Variants in MYO1H observed in about 807,000 individuals in gnomAD.
MYO1H encodes the protein myosin IH, also known as unconventional myosin-Ih.
In MYO1H, 118 loss-of-function variants were observed where a neutral mutation model predicts 149.3. That is an observed-to-expected ratio of 0.79 (90% confidence interval 0.68 to 0.92). MYO1H has a LOEUF of 0.92. Among genes scored for constraint, MYO1H ranks in the 40% least tolerant of loss-of-function variants. MYO1H has a pLI of 0.00. For missense variants in MYO1H, 1,212 were observed against 1,280.7 expected (o/e 0.95, Z 0.82); for synonymous variants, 447 against 465.2 (o/e 0.96, Z 0.50).
At chr12:109,386,217 T>C (rs1429308438) in intron 1 of MYO1H, among the ~76,000 whole-genome samples, 1 of 152,214 alleles carries the variant, frequency 6.6e-6, no homozygotes, top group South Asian at 2.1e-4. Context: ...CTGTCCTCCT[T>C]CTATTGTACA....
At chr12:109,438,773 C>A (rs536221666) in intron 23 of MYO1H, among the ~76,000 whole-genome samples, 153 bp downstream of exon 23, 2 of 152,314 alleles carry the variant, frequency 1.3e-5, no homozygotes, top group African/African-American at 2.4e-5. Context: ...AGGTCCATCC[C>A]TTTGCTCTGA....
chr12:109,327,916 T>C, the MYO1H span, among the ~76,000 whole-genome samples: 18 of 151,826 alleles, frequency 1.2e-4, no homozygotes, highest in Non-Finnish European at 8.8e-5. Flanking sequence ...CAGTGCTGGG[T>C]CCTGTCCCAA....
chr12:109,313,011 C>A, the MYO1H span, among the ~76,000 whole-genome samples: 2 of 151,648 alleles, frequency 1.3e-5, no homozygotes, highest in Non-Finnish European at 2.9e-5. Context: ...GAGGCCGAGG[C>A]GGGTGGATGC....
At chr12:109,314,703 C>T in the MYO1H span, among the ~76,000 whole-genome samples, 13 of 152,332 alleles carry the variant, frequency 8.5e-5, no homozygotes, top group South Asian at 2.1e-3. Flanking sequence ...GGCTTAAAGA[C>T]AGCACCTGAT....
At chr12:109,422,026 G>A (rs1019656956) in intron 16 of MYO1H, among the ~76,000 whole-genome samples, 5 of 151,998 alleles carry the variant, frequency 3.3e-5, no homozygotes, top group Admixed American at 3.3e-4. Flanking sequence ...TTGCTATGAC[G>A]CCTAGGCTGG....
chr12:109,377,948 T>A (rs1262403093), intron 1 of MYO1H, among the ~76,000 whole-genome samples: 5 of 152,200 alleles, frequency 3.3e-5, no homozygotes, highest in Non-Finnish European at 7.3e-5. Flanking sequence ...CCAGACACAA[T>A]GTCATTTCCT....
chr12:109,426,680 T>A (rs1871362861), intron 18 of MYO1H, among the ~76,000 whole-genome samples: 1 of 152,104 alleles, frequency 6.6e-6, no homozygotes, highest in African/African-American at 2.4e-5. Flanking sequence ...CAAGGAACAG[T>A]CTTCGAAAAT....
At chr12:109,328,872 A>T in the MYO1H span, among the ~76,000 whole-genome samples, 1 of 152,218 alleles carries the variant, frequency 6.6e-6, no homozygotes, top group African/African-American at 2.4e-5. Flanking sequence ...GATTAGCATG[A>T]TCAAGCTAAT....
chr12:109,443,285 CG>C (rs1872308730), intron 27 of MYO1H, among the ~76,000 whole-genome samples: 1 of 88,332 alleles, frequency 1.1e-5, no homozygotes, highest in Admixed American at 1.1e-4. Flanking sequence ...TATATGTGTA[CG>C]TATATATGTG....
the MYO1H span, among the ~76,000 whole-genome samples, chr12:109,329,033 C>CTTTTTTTTTTTTTTTTTTTTTT: frequency 3.0e-5 from 4 of 132,070 alleles, no homozygotes; most frequent in African/African-American, 2.8e-5. Flanking sequence ...TCTTTTTTTT[C>CTTTTTTTTTTTTTTTTTTTTTT]TTTTTTTTTT....
intron 7 of MYO1H, 144 bp from the exon 8 acceptor site, chr12:109,405,778 T>TTG: frequency 1.5e-6 from 1 of 655,832 alleles, no homozygotes; most frequent in African/African-American, 1.8e-5. Context: ...GCAGGAGGGC[T>TTG]TGGTTCTGTG....
At chr12:109,374,061 T>C (rs1869042913) in intron 1 of MYO1H, among the ~76,000 whole-genome samples, 1 of 152,244 alleles carries the variant, frequency 6.6e-6, no homozygotes, top group African/African-American at 2.4e-5. Context: ...CATATACTCT[T>C]ATGTGACTGG....
chr12:109,335,122 T>C, the MYO1H span, among the ~76,000 whole-genome samples: 58,395 of 152,088 alleles, frequency 0.38, 11,751 homozygotes, highest in Middle Eastern at 0.52. Context: ...TATAATAGTC[T>C]ATTATAATAA....
rs75534894 is a variant in MYO1H, at chr12:109,399,775, C to T, written c.571-1318C>T. ...AAAAAACAAAAACAAAATAGTAAGGCGCAGTGGTGCATGCCTATAGTCCCA... is the reference window on the plus strand; with the variant it reads ...AAAAAACAAAAACAAAATAGTAAGGTGCAGTGGTGCATGCCTATAGTCCCA... On this transcript the variant is annotated intron_variant, in intron 5 of 31. Coordinates refer to ENST00000310903, the Ensembl canonical transcript of MYO1H. Among the ~76,000 whole-genome samples, 33 of 151,882 alleles carry T rather than the reference C, an allele frequency of 2.2e-4. No individual in the cohort carries two copies. In the East Asian group the frequency reaches 5.8e-3, roughly 27 times the overall value.
the MYO1H span, among the ~76,000 whole-genome samples, chr12:109,317,430 C>T: frequency 1.3e-5 from 2 of 152,168 alleles, no homozygotes; most frequent in South Asian, 2.1e-4. Context: ...AGTAAGTTCT[C>T]CTAATCTCTA....
At chr12:109,330,249 T>C in the MYO1H span, among the ~76,000 whole-genome samples, 1 of 152,210 alleles carries the variant, frequency 6.6e-6, no homozygotes, top group African/African-American at 2.4e-5. Flanking sequence ...ATAAAGTGTG[T>C]GTGTGTAGAT....
At chr12:109,371,213 CTTTTTTTT>C (rs34350111) in intron 1 of MYO1H, among the ~76,000 whole-genome samples, 113 of 118,338 alleles carry the variant, frequency 9.5e-4, no homozygotes, top group Middle Eastern at 4.6e-3. Flanking sequence ...TTTTTTCTTT[CTTTTTTTT>C]TTTTTTTTTT....
chr12:109,416,775 G>A (rs1000435146), intron 15 of MYO1H, among the ~76,000 whole-genome samples: 3 of 152,130 alleles, frequency 2.0e-5, no homozygotes, highest in African/African-American at 7.2e-5. Context: ...ATCACCTGAG[G>A]TCAGGAGTTT....
At chr12:109,353,736 C>T (rs1277081601) in intron 1 of MYO1H, among the ~76,000 whole-genome samples, 1 of 152,152 alleles carries the variant, frequency 6.6e-6, no homozygotes, top group Non-Finnish European at 1.5e-5. Context: ...ACTGCAACCC[C>T]CGCCTCCCAG....
Sources: allele counts gnomAD v4.1 joint callset (sites outside exome capture counted in the v4.1 genomes callset), GRCh38; gene constraint gnomAD v4.1.1; transcripts MANE v1.5; gene names NCBI Gene and HGNC (gene_info 2026-07-23, HGNC 2026-07-21).